The following SPIDR variants were observed in gnomAD, a reference collection of about 807,000 sequenced individuals.
The protein encoded by SPIDR is DNA repair-scaffolding protein.
Under a neutral mutation model 104.6 loss-of-function variants are expected in SPIDR, and 93 were observed. The observed-to-expected ratio is 0.89, with a 90% confidence interval of 0.75 to 1.06. SPIDR has a LOEUF of 1.06. SPIDR is among the 50% of genes least tolerant of loss of function. SPIDR has a pLI of 0.00. For synonymous variants in SPIDR, 431 were observed against 416.9 expected (o/e 1.03, Z -0.41); for missense variants, 1,154 against 1,111.2 (o/e 1.04, Z -0.55).
At position 47,405,322 on chromosome 8, in the gene SPIDR, G is replaced by GTA. The variant is rs59213725; in HGVS notation, c.777-2533_777-2532dup. Reference sequence around the variant, plus strand: ...TGTGTGTGTGTGTGTGTGTGTGTGTGTATATATGTGTGTGTGTATATATAT... The same window carrying GTA: ...TGTGTGTGTGTGTGTGTGTGTGTGTGTATATATATGTGTGTGTGTATATATAT... On this transcript the variant is annotated intron_variant, in intron 6 of 19. Transcript: ENST00000297423. Among the ~76,000 whole-genome samples, 110 of 148,028 alleles carry GTA rather than the reference G, an allele frequency of 7.4e-4. 1 individual carries two copies. In the South Asian group the frequency reaches 8.1e-3, roughly 11 times the overall value.
At chr8:47,508,856 C>G (rs1312481037) in intron 8 of SPIDR, among the ~76,000 whole-genome samples, 1 of 152,070 alleles carries the variant, frequency 6.6e-6, no homozygotes, top group Non-Finnish European at 1.5e-5. Context: ...TCTTTTTCTC[C>G]TCAAAAGTAG....
chr8:47,654,036 G>A, intron 10 of SPIDR: 1 of 1,289,194 alleles, frequency 7.8e-7, no homozygotes, highest in South Asian at 1.2e-5. Flanking sequence ...GAACAGGCGG[G>A]AGCCAAGACA....
At position 47,702,081 on chromosome 8, in the gene SPIDR, TCTCTCTCTCTCTCTCTTA is replaced by T. The variant is rs1223696089; in HGVS notation, c.1977+68_1977+85del. The T allele has an allele frequency of 2.0e-3, 753 of 377,700 alleles. 12 individuals are homozygous for T. Among genetic ancestry groups the T allele is most frequent in the East Asian group, 5.7e-3 (106 of 18,728 alleles). The allele number at this position is 377,700 out of a possible 1,614,324, so 23.4% of individuals were successfully genotyped here. On this transcript the variant is annotated intron_variant, in intron 14 of 19. Coordinates refer to ENST00000297423, the MANE Select transcript of SPIDR (RefSeq NM_001080394.4). ...CTCTCTCTCTCTCTCTCTCTCTCTC[TCTCTCTCTCTCTCTCTTA>T]CACACACACACACACACACACACAC...
chr8:47,533,659 GA>G (rs1228227637), intron 8 of SPIDR, among the ~76,000 whole-genome samples: 19 of 151,596 alleles, frequency 1.3e-4, no homozygotes, highest in Non-Finnish European at 2.1e-4. Context: ...GCATATGGGG[GA>G]AAAAAAACCT....
intron 8 of SPIDR, among the ~76,000 whole-genome samples, chr8:47,557,209 A>G (rs1450481259): frequency 1.3e-5 from 2 of 152,208 alleles, no homozygotes; most frequent in African/African-American, 4.8e-5. Flanking sequence ...AAGTTCAGAT[A>G]CTGTGGAAGT....
intron 5 of SPIDR, among the ~76,000 whole-genome samples, chr8:47,311,208 G>C (rs1297520395): frequency 6.6e-6 from 1 of 152,090 alleles, no homozygotes; most frequent in Non-Finnish European, 1.5e-5. Flanking sequence ...AGAAGATTAG[G>C]AAAAGAAAAG....
At chr8:47,360,574 C>T (rs955428826) in intron 5 of SPIDR, among the ~76,000 whole-genome samples, 2 of 152,176 alleles carry the variant, frequency 1.3e-5, no homozygotes, top group Non-Finnish European at 2.9e-5. Context: ...GAGAGGCTGC[C>T]ATGGCTGAGC....
chr8:47,451,409 C>T (rs1669000297), intron 8 of SPIDR, among the ~76,000 whole-genome samples: 1 of 151,856 alleles, frequency 6.6e-6, no homozygotes, highest in African/African-American at 2.4e-5. Context: ...TGAAGAAACC[C>T]CATCTCTATA....
At position 47,291,198 on chromosome 8, in the gene SPIDR, A is replaced by T. The variant is rs2039839983; in HGVS notation, c.361+61A>T. ...AACAGGAACATATTGTGTCCAGAAG[A>T]TCAGAGTAATGAAGGTAAATTGATA... On this transcript the variant is annotated intron_variant, in intron 4 of 19. Coordinates refer to ENST00000297423, the MANE Select transcript of SPIDR (RefSeq NM_001080394.4). The T allele has an allele frequency of 3.5e-6, 4 of 1,142,656 alleles. No homozygotes were observed. The Admixed American group carries it at 6.1e-5, about 18-fold the overall frequency. 70.8% of individuals were successfully genotyped at this position (1,142,656 alleles called of 1,614,324 possible). A position where few individuals can be genotyped will look rare whatever the true frequency, so the allele number is the denominator to read the frequency against.
intron 8 of SPIDR, among the ~76,000 whole-genome samples, chr8:47,463,253 C>T (rs773125744): frequency 1.3e-4 from 19 of 151,210 alleles, no homozygotes; most frequent in African/African-American, 2.7e-4. Flanking sequence ...TTCAGCTACT[C>T]GGGAGGCTGA....
chr8:47,424,981 G>A (rs1417315201), intron 7 of SPIDR, among the ~76,000 whole-genome samples: 1 of 152,118 alleles, frequency 6.6e-6, no homozygotes, highest in Admixed American at 6.5e-5. Flanking sequence ...GACTTTAACT[G>A]CCTATTCTTA....
chr8:47,292,758 GTATTAA>G (rs1354463200), intron 4 of SPIDR, among the ~76,000 whole-genome samples: 10 of 152,020 alleles, frequency 6.6e-5, no homozygotes, highest in Non-Finnish European at 8.8e-5. Context: ...ATTGCAATAT[GTATTAA>G]TTTGTGGGCT....
chr8:47,508,062 A>C (rs1463237153), intron 8 of SPIDR, among the ~76,000 whole-genome samples: 2 of 152,224 alleles, frequency 1.3e-5, no homozygotes, highest in Non-Finnish European at 2.9e-5. Flanking sequence ...CTGGGAGCAG[A>C]CTGGAGGAAT....
At position 47,728,958 on chromosome 8, in the gene SPIDR, T is replaced by TC. The variant is rs781181747; in HGVS notation, c.2464dup (p.Arg822ProfsTer45). 1 of 1,613,776 alleles carries TC rather than the reference T, an allele frequency of 6.2e-7. No individual in the cohort carries two copies. The highest frequency in any genetic ancestry group is 1.1e-5 in the South Asian group (1 of 91,064). On this transcript the variant is annotated frameshift_variant, in exon 18 of 20. Coordinates refer to ENST00000297423, the MANE Select transcript of SPIDR (RefSeq NM_001080394.4). LOFTEE classifies it high-confidence loss of function. The stretch of plus-strand genomic sequence containing the variant: ...AGGCGCCTTTTCCTGTGGGGACTGC[T>TC]CCCGGGTGGTCACATCTCCTGTTCT...
chr8:47,680,884 T>G (rs987370674), intron 11 of SPIDR, among the ~76,000 whole-genome samples: 1 of 152,186 alleles, frequency 6.6e-6, no homozygotes, highest in African/African-American at 2.4e-5. Context: ...GAGAGGCAGA[T>G]CACCTGAGGT....
At chr8:47,348,673 T>G (rs1402462089) in intron 5 of SPIDR, among the ~76,000 whole-genome samples, 1 of 152,232 alleles carries the variant, frequency 6.6e-6, no homozygotes, top group East Asian at 1.9e-4. Flanking sequence ...CTTTTTTCTC[T>G]AAACTTCTCT....
chr8:47,675,019 T>C (rs1419401118), intron 11 of SPIDR, among the ~76,000 whole-genome samples: 1 of 152,148 alleles, frequency 6.6e-6, no homozygotes, highest in Non-Finnish European at 1.5e-5. Context: ...TTTGGTTTTT[T>C]TGTTTTTTGT....
rs2054881820 is a variant in SPIDR at position 47,357,906 on chromosome 8, G to A, written c.526-38470G>A. ...GATACTGGAGAGCATTAAATAAGAA[G>A]TACTCACCTGTGATTTCAGCAGGCT... On this transcript the variant is annotated intron_variant, in intron 5 of 19. Coordinates refer to ENST00000297423, the MANE Select transcript of SPIDR (RefSeq NM_001080394.4). 5.1e-6 allele frequency: 5 copies of A among 976,250 alleles called. No homozygotes were observed. The South Asian group carries it at 1.9e-4, about 37-fold the overall frequency. The allele number at this position is 976,250 out of a possible 1,614,324, so 60.5% of individuals were successfully genotyped here.
chr8:47,472,634 T>C (rs879962397), intron 8 of SPIDR, among the ~76,000 whole-genome samples: 9 of 152,228 alleles, frequency 5.9e-5, no homozygotes, highest in Non-Finnish European at 1.0e-4. Context: ...GAGGATACTG[T>C]ACTTTTTCTA....
Sources: gnomAD v4.1 joint callset for allele counts (sites outside exome capture counted in the v4.1 genomes callset) on GRCh38, gnomAD v4.1.1 for gene constraint, MANE v1.5 for transcripts, NCBI Gene and HGNC (gene_info 2026-07-23, HGNC 2026-07-21) for gene names.